Variants in DNAJC24 observed in about 807,000 individuals in gnomAD.
DNAJC24 encodes DnaJ heat shock protein family (Hsp40) member C24.
Under a neutral mutation model 18.0 loss-of-function variants are expected in DNAJC24, and 17 were observed. The observed-to-expected ratio is 0.94, with a 90% CI of 0.65 to 1.42. The LOEUF (loss-of-function observed/expected upper bound fraction) is 1.42, where lower values mean the gene tolerates loss of function less well. DNAJC24 is among the 40% of genes most tolerant of loss of function. The pLI, the probability that DNAJC24 is intolerant of heterozygous loss-of-function variation, is 0.00. For synonymous variants in DNAJC24, 55 were observed against 57.7 expected, an observed-to-expected ratio of 0.95 and a Z score of 0.21; for missense variants, 158 against 175.6, an observed-to-expected ratio of 0.90 and a Z score of 0.57.
At chr11:31,379,828 T>C (rs1014480258) in intron 2 of DNAJC24, among the ~76,000 whole-genome samples, 1 of 151,944 alleles carries the variant, frequency 6.6e-6, no homozygotes, top group Admixed American at 6.6e-5. Flanking sequence ...TGCGATCTAG[T>C]CTCACTGCAA....
In DNAJC24 at chr11:31,387,410, G is replaced by C. The variant is rs201285425; in HGVS notation, c.111+16551G>C. ...CCAGGCAGCTTAGCACAGAGAGAGA[G>C]AGACTGTATTTGGGGGAAAATAAGG... On this transcript the variant is annotated intron_variant, in intron 2 of 4. Coordinates refer to ENST00000465995, the MANE Select transcript of DNAJC24 (RefSeq NM_181706.5). Among the ~76,000 whole-genome samples, 3 of 152,276 alleles carry C rather than the reference G, an allele frequency of 2.0e-5. No individual in the cohort carries two copies. The East Asian group carries it at 5.8e-4, about 29-fold the overall frequency.
chr11:31,388,329 C>T (rs1022073453), intron 2 of DNAJC24, among the ~76,000 whole-genome samples: 10 of 151,922 alleles, frequency 6.6e-5, no homozygotes, highest in African/African-American at 1.9e-4. Context: ...AATCAGATTC[C>T]CAAAGGTCAA....
intron 2 of DNAJC24, among the ~76,000 whole-genome samples, chr11:31,405,053 G>A (rs367989647): frequency 6.0e-5 from 9 of 150,246 alleles, no homozygotes; most frequent in African/African-American, 1.2e-4. Context: ...TAGAGAAAGC[G>A]GCATTAGGAA....
chr11:31,399,692 G>A (rs1422552599), intron 2 of DNAJC24, among the ~76,000 whole-genome samples: 9 of 147,416 alleles, frequency 6.1e-5, no homozygotes, highest in East Asian at 2.0e-4. Flanking sequence ...GGTTACAGGC[G>A]TGAGCCACCA....
chr11:31,423,992 T>TC (rs1952836278), intron 3 of DNAJC24, among the ~76,000 whole-genome samples: 1 of 152,130 alleles, frequency 6.6e-6, no homozygotes, highest in Non-Finnish European at 1.5e-5. Flanking sequence ...AGCCACTTTT[T>TC]TGAGTAAGTA....
intron 2 of DNAJC24, 28 bp from the exon 3 acceptor site, chr11:31,414,783 C>T: frequency 6.2e-7 from 1 of 1,607,458 alleles, no homozygotes. Flanking sequence ...CTCTACTCAC[C>T]CCCTGCACCC....
At chr11:31,384,617 C>A (rs1345135206) in intron 2 of DNAJC24, 1 of 152,156 alleles carries the variant, frequency 6.6e-6, no homozygotes, top group Non-Finnish European at 1.5e-5. Flanking sequence ...GTTACATAGC[C>A]CTTGACCCAT....
chr11:31,388,870 G>A (rs2133476199), intron 2 of DNAJC24, among the ~76,000 whole-genome samples: 1 of 152,196 alleles, frequency 6.6e-6, no homozygotes, highest in South Asian at 2.1e-4. Context: ...GCAGGAGGAT[G>A]AAGTAAAAGT....
chr11:31,395,390 A>G (rs1952534964), intron 2 of DNAJC24, among the ~76,000 whole-genome samples: 2 of 152,112 alleles, frequency 1.3e-5, no homozygotes, highest in African/African-American at 4.8e-5. Context: ...GTAAGGATTT[A>G]TAGTCCATTG....
At chr11:31,388,841 A>G (rs1303404638) in intron 2 of DNAJC24, among the ~76,000 whole-genome samples, 1 of 152,122 alleles carries the variant, frequency 6.6e-6, no homozygotes, top group African/African-American at 2.4e-5. Flanking sequence ...GATATAAAAT[A>G]GAAACAAACA....
chr11:31,409,888 CTT>C (rs34773636), intron 2 of DNAJC24, among the ~76,000 whole-genome samples: 15 of 137,552 alleles, frequency 1.1e-4, no homozygotes, highest in Non-Finnish European at 1.4e-4. Context: ...TTTTCTTTTT[CTT>C]TTTTTTTTTT....
intron 3 of DNAJC24, chr11:31,415,261 A>T (rs1952742684): frequency 5.0e-6 from 1 of 199,216 alleles, no homozygotes; most frequent in Non-Finnish European, 1.0e-5. Flanking sequence ...TTTTATTAAA[A>T]TAAATATGGA....
chr11:31,407,923 T>C (rs1043947280), intron 2 of DNAJC24, among the ~76,000 whole-genome samples: 4 of 150,090 alleles, frequency 2.7e-5, no homozygotes, highest in Admixed American at 6.6e-5. Context: ...AAAAAAAAAA[T>C]AAACAGGTTA....
intron 3 of DNAJC24, among the ~76,000 whole-genome samples, chr11:31,424,541 A>G (rs1016974823): frequency 1.3e-5 from 2 of 152,182 alleles, no homozygotes; most frequent in African/African-American, 2.4e-5. Flanking sequence ...TACTTTACAT[A>G]GAATGTGGAA....
chr11:31,374,101 A>C (rs2133465611), intron 2 of DNAJC24: 1 of 390,222 alleles, frequency 2.6e-6, no homozygotes, highest in East Asian at 7.0e-5. Context: ...TCTTACGTTA[A>C]GGCACTAGCT....
chr11:31,396,611 G>A (rs968080542), intron 2 of DNAJC24, among the ~76,000 whole-genome samples: 2 of 152,040 alleles, frequency 1.3e-5, no homozygotes, highest in African/African-American at 4.8e-5. Context: ...TTCCTCAGGA[G>A]GGCTACAGTA....
intron 3 of DNAJC24, among the ~76,000 whole-genome samples, chr11:31,420,327 C>G (rs1952791565): frequency 1.3e-5 from 2 of 152,074 alleles, no homozygotes; most frequent in South Asian, 4.1e-4. Context: ...CTTCCCACCA[C>G]CCACCAGAGC....
chr11:31,431,836 T>A lies in DNAJC24; in HGVS notation c.*1435T>A, dbSNP rs1362368490. 1.3e-5 allele frequency: 2 copies of A among 151,560 alleles called. No homozygotes were observed. Among genetic ancestry groups the A allele is most frequent in the Non-Finnish European group, 2.9e-5 (2 of 67,872 alleles). The allele number at this position is 151,560 out of a possible 1,614,324, so 9.4% of individuals were successfully genotyped here. On this transcript the variant is annotated 3_prime_UTR_variant, in exon 5 of 5. Transcript: ENST00000465995. ...CTCAAAAAAAATAAAATAAAATAAA[T>A]AAAAAAAGATATAGTATTAATGCCT...
intron 2 of DNAJC24, chr11:31,396,523 A>G: frequency 4.6e-6 from 1 of 216,174 alleles, no homozygotes; most frequent in South Asian, 6.8e-5. Context: ...GTGACTTCCA[A>G]ATTTATGTCC....
Sources: allele counts gnomAD v4.1 joint callset (sites outside exome capture counted in the v4.1 genomes callset), GRCh38; gene constraint gnomAD v4.1.1; transcripts MANE v1.5; gene names NCBI Gene and HGNC (gene_info 2026-07-23, HGNC 2026-07-21).